RIMS2: variants seen among roughly 807,000 people sequenced by gnomAD.
The protein encoded by RIMS2 is regulating synaptic membrane exocytosis 2.
RIMS2 carries 59 observed loss-of-function variants against 174.4 expected under a neutral mutation model. The observed-to-expected ratio is 0.34, with a 90% CI of 0.27 to 0.42. RIMS2 has a LOEUF of 0.42. Among genes scored for constraint, RIMS2 ranks in the 10% least tolerant of loss-of-function variants. The pLI is 1.00. For synonymous variants in RIMS2, 606 were observed against 572.5 expected, an observed-to-expected ratio of 1.06 and a Z score of -0.84; for missense variants, 1,620 against 1,666.3, an observed-to-expected ratio of 0.97 and a Z score of 0.48.
At chr8:104,108,283 TATCATATCTCACTGCATG>T (rs932117553) in intron 19 of RIMS2, among the ~76,000 whole-genome samples, 15 of 152,250 alleles carry the variant, frequency 9.9e-5, no homozygotes, top group South Asian at 8.3e-4. Flanking sequence ...ATCCAGGCTG[TATCATATCTCACTGCATG>T]ATCATATCTC....
intron 13 of RIMS2, among the ~76,000 whole-genome samples, chr8:103,936,991 G>A (rs201492881): frequency 2.0e-5 from 3 of 151,958 alleles, no homozygotes; most frequent in Non-Finnish European, 2.9e-5. Flanking sequence ...CCAGCTACTC[G>A]GGAGGCTGAG....
intron 19 of RIMS2, among the ~76,000 whole-genome samples, chr8:104,098,532 T>C (rs1192832898): frequency 6.6e-6 from 1 of 152,204 alleles, no homozygotes; most frequent in East Asian, 1.9e-4. Flanking sequence ...CAAGAAATTA[T>C]TTCTCTATAC....
Position 103,806,129 on chromosome 8 carries a change from T to G in RIMS2, c.698+39592T>G, listed in dbSNP as rs928074603. 5.3e-5 allele frequency among the ~76,000 whole-genome samples: 8 copies of G among 152,154 alleles called. 1 individual carries two copies. Among genetic ancestry groups the G allele is most frequent in the Middle Eastern group, 3.2e-3 (1 of 316 alleles). On this transcript the variant is annotated intron_variant, in intron 3 of 23. Coordinates refer to ENST00000504942, the Ensembl canonical transcript of RIMS2. ...TCTATTTGACTTCGTTTAATAAGAA[T>G]TAGAGTCATGAGGGTGGAAGGATTA...
At chr8:103,647,246 T>G (rs77696157) in intron 1 of RIMS2, among the ~76,000 whole-genome samples, 7,323 of 152,160 alleles carry the variant, frequency 0.048, 588 homozygotes, top group African/African-American at 0.17. Flanking sequence ...TATATTGCAT[T>G]TATGTTTGAC....
intron 2 of RIMS2, among the ~76,000 whole-genome samples, chr8:103,763,070 A>G (rs527578696): frequency 8.5e-5 from 13 of 152,302 alleles, no homozygotes; most frequent in African/African-American, 3.1e-4. Flanking sequence ...TAAAGGATTA[A>G]TAAACTATTA....
Position 104,032,344 on chromosome 8 carries a change from A to T in RIMS2, c.3334+17729A>T, listed in dbSNP as rs1314610920. Among the ~76,000 whole-genome samples, 4 of 152,090 alleles carry T rather than the reference A, an allele frequency of 2.6e-5. No individual in the cohort carries two copies. In the East Asian group the frequency reaches 7.7e-4, roughly 29 times the overall value. ...TTAATTCTACCAGTGAATTGAAACA[A>T]AGTGTTTTTGTTTTCCTCTCCCTTC... On this transcript the variant is annotated intron_variant, in intron 19 of 23. Coordinates refer to ENST00000504942, the Ensembl canonical transcript of RIMS2.
rs1231409808 is a variant in RIMS2 at position 104,211,437 on chromosome 8, GA to G, written c.3335-33478del. 1.4e-4 allele frequency among the ~76,000 whole-genome samples: 21 copies of G among 152,292 alleles called. No homozygotes were observed. In the East Asian group the frequency reaches 2.5e-3, roughly 18 times the overall value. On this transcript the variant is annotated intron_variant, in intron 19 of 23. Transcript: ENST00000504942. Reference sequence around the variant, plus strand: ...TGATTTCAGTCTGGTGATCACCAGGGAGTACGACTTGTGATAAAATTAGACA... The same window carrying G: ...TGATTTCAGTCTGGTGATCACCAGGGGTACGACTTGTGATAAAATTAGACA...
intron 15 of RIMS2, among the ~76,000 whole-genome samples, chr8:103,969,938 C>T (rs1386370695): frequency 2.6e-5 from 4 of 152,024 alleles, no homozygotes; most frequent in Admixed American, 2.0e-4. Context: ...TTAGTAGAGA[C>T]AGGTTTTCTC....
chr8:103,535,377 A>G (rs2449907), intron 1 of RIMS2, among the ~76,000 whole-genome samples: 27,694 of 152,248 alleles, frequency 0.18, 3,127 homozygotes, highest in South Asian at 0.34. Context: ...TTTGACTCTG[A>G]TATTAGAAAC....
intron 19 of RIMS2, among the ~76,000 whole-genome samples, chr8:104,034,598 T>C (rs1297457843): frequency 1.3e-5 from 2 of 151,428 alleles, no homozygotes; most frequent in Non-Finnish European, 2.9e-5. Flanking sequence ...GCCTACCAAG[T>C]AGCTGGGATT....
intron 19 of RIMS2, among the ~76,000 whole-genome samples, chr8:104,057,589 T>A (rs2096892908): frequency 6.6e-6 from 1 of 151,824 alleles, no homozygotes; most frequent in African/African-American, 2.4e-5. Flanking sequence ...TTATTATACT[T>A]TAAGTTTTAG....
At chr8:103,658,917 T>G (rs1347508995) in intron 1 of RIMS2, among the ~76,000 whole-genome samples, 1 of 152,194 alleles carries the variant, frequency 6.6e-6, no homozygotes. Context: ...TAGCAGAATA[T>G]AGGATCAAAG....
At chr8:103,699,878 G>A (rs1248064473) in intron 2 of RIMS2, among the ~76,000 whole-genome samples, 1 of 151,720 alleles carries the variant, frequency 6.6e-6, no homozygotes, top group Non-Finnish European at 1.5e-5. Flanking sequence ...AATATTGTGG[G>A]GTTCCTAGGG....
rs1199992983 is a variant in RIMS2 at position 103,885,477 on chromosome 8, A to G, written c.878A>G (p.Tyr293Cys). ...TATGAAGACTCTGATCATTTAAGTT[A>G]TAGGGACTCCAACAGGAGAAGTCAT... The change falls in exon 4 of 24, where the codon TAT becomes TGT. Residue 293 changes from tyrosine (Y) to cysteine (C), a missense_variant. Tyr to Cys is a radical substitution (Grantham distance 194). This residue lies in a region of RIMS2 where 1,395 missense variants were observed against 1,360.1 expected (regional missense o/e 1.03). Transcript: ENST00000504942. 5 of 1,612,682 alleles carry G rather than the reference A, an allele frequency of 3.1e-6. No individual in the cohort carries two copies. In the South Asian group the frequency reaches 3.3e-5, roughly 11 times the overall value.
rs1173580858 is a variant in RIMS2 at position 103,705,568 on chromosome 8, C to T, written c.387+8272C>T. Among the ~76,000 whole-genome samples the T allele has an allele frequency of 5.3e-5, 8 of 152,116 alleles. No individual in the cohort carries two copies. In the East Asian group the frequency reaches 1.5e-3, roughly 29 times the overall value. ...GGGTGTTGATATTCACCAATGTTAT[C>T]GTATTGCAATCTCTCTCTTCTTTTA... On this transcript the variant is annotated intron_variant, in intron 2 of 23. Transcript: ENST00000504942.
intron 2 of RIMS2, among the ~76,000 whole-genome samples, chr8:103,727,092 T>A (rs1039294475): frequency 6.6e-6 from 1 of 151,912 alleles, no homozygotes; most frequent in Non-Finnish European, 1.5e-5. Context: ...TTTTACTACT[T>A]CTACTTATTT....
rs111250044 is a variant in RIMS2, at chr8:103,995,840, T to C, written c.3044+6419T>C. Among the ~76,000 whole-genome samples the C allele has an allele frequency of 5.3e-5, 8 of 152,022 alleles. 2 individuals carry two copies. Among genetic ancestry groups the C allele is most frequent in the African/African-American group, 1.9e-4 (8 of 41,534 alleles). ...GTTGTTTCAATAGACATAGTAAACC[T>C]GATTTAAGGTGGTGGCAGGAGAAAA... On this transcript the variant is annotated intron_variant, in intron 17 of 23. Coordinates refer to ENST00000504942, the Ensembl canonical transcript of RIMS2.
intron 1 of RIMS2, among the ~76,000 whole-genome samples, chr8:103,614,219 G>T (rs1221843706): frequency 6.6e-6 from 1 of 152,246 alleles, no homozygotes; most frequent in Non-Finnish European, 1.5e-5. Context: ...TGACCACTGG[G>T]TTGGGCAATT....
At chr8:103,546,842 C>T (rs544890916) in intron 1 of RIMS2, among the ~76,000 whole-genome samples, 1 of 152,336 alleles carries the variant, frequency 6.6e-6, no homozygotes, top group African/African-American at 2.4e-5. Context: ...CCTCCAATCC[C>T]TGCTGCTTTC....
Sources: allele counts gnomAD v4.1 joint callset (sites outside exome capture counted in the v4.1 genomes callset), GRCh38; gene constraint gnomAD v4.1.1; regional missense constraint gnomAD v4.1.1; transcripts MANE v1.5; gene names NCBI Gene and HGNC (gene_info 2026-07-23, HGNC 2026-07-21).